ARHGEF10: variants seen among roughly 807,000 people sequenced by gnomAD.
ARHGEF10 encodes the protein Rho guanine nucleotide exchange factor (GEF) 10.
ARHGEF10 carries 140 observed loss-of-function variants against 147.4 expected under a neutral mutation model. The observed-to-expected ratio is 0.95, with a 90% CI of 0.83 to 1.09. ARHGEF10 has a LOEUF of 1.09. Ranked by LOEUF, ARHGEF10 falls within the 50% of genes least tolerant of loss-of-function variation. The pLI, the probability that ARHGEF10 is intolerant of heterozygous loss-of-function variation, is 0.00. For synonymous variants in ARHGEF10, 902 were observed against 695.8 expected (o/e 1.30, Z -4.67); for missense variants, 2,222 against 1,752.7 (o/e 1.27, Z -4.78).
intron 2 of ARHGEF10, among the ~76,000 whole-genome samples, chr8:1,855,254 C>T (rs1805462608): frequency 6.6e-6 from 1 of 152,072 alleles, no homozygotes; most frequent in African/African-American, 2.4e-5. Context: ...TGTTTGAGTT[C>T]AGCGGTAGTA....
Position 1,937,723 on chromosome 8 carries a change from C to G in ARHGEF10, c.3222+3781C>G, listed in dbSNP as rs1162488554. ...ATTCGAGCCCTGGGTATGTGTCCGC[C>G]TTGCTGACAGCGAGGGCAGCAGCTG... is the stretch of plus-strand genomic sequence containing the variant. On this transcript the variant is annotated intron_variant, in intron 26 of 28. Transcript: ENST00000349830. The surrounding 1 kb of genome is among the most constrained non-coding windows in gnomAD (Gnocchi z 4.9). Among the ~76,000 whole-genome samples, 1 of 152,252 alleles carries G rather than the reference C, an allele frequency of 6.6e-6. No homozygotes were observed. Among genetic ancestry groups the G allele is most frequent in the East Asian group, 1.9e-4 (1 of 5,190 alleles).
Position 1,957,260 on chromosome 8 carries a change from A to G in ARHGEF10, c.4032A>G (p.Ile1344Met), listed in dbSNP as rs139457662. 2.0e-4 allele frequency: 319 copies of G among 1,609,604 alleles called. No homozygotes were observed. The highest frequency in any genetic ancestry group is 2.6e-4 in the Non-Finnish European group (306 of 1,179,460). ...VMVWQIPLLN[I>M] ...TCTGGCAGATCCCTCTGCTGAATAT[A>G]TAAGCAGGACGGCCGCCTTCTGCTG... The change falls in exon 29 of 29, where the codon ATA becomes ATG. Residue 1344 changes from isoleucine to methionine, a missense_variant. Ile to Met is a conservative substitution (Grantham distance 10). Coordinates refer to ENST00000349830, the MANE Select transcript of ARHGEF10 (RefSeq NM_014629.4).
At chr8:1,839,898 C>G (rs1474268265) in intron 1 of ARHGEF10, among the ~76,000 whole-genome samples, 2 of 144,840 alleles carry the variant, frequency 1.4e-5, no homozygotes, top group East Asian at 4.4e-4. Context: ...GGTGTGGGGA[C>G]TGTCCGGTGT....
At chr8:1,925,047 A>G (rs760121351) in intron 21 of ARHGEF10, among the ~76,000 whole-genome samples, 8 of 152,240 alleles carry the variant, frequency 5.3e-5, no homozygotes, top group Non-Finnish European at 8.8e-5. Context: ...AGGCGCAAAC[A>G]GGGAGAGGTC....
At chr8:1,829,727 A>T (rs1366799348) in intron 1 of ARHGEF10, among the ~76,000 whole-genome samples, 1 of 152,160 alleles carries the variant, frequency 6.6e-6, no homozygotes, top group Non-Finnish European at 1.5e-5. Context: ...CTGCAGCTGG[A>T]GTCTAAACGA....
intron 24 of ARHGEF10, 21 bp downstream of exon 24, chr8:1,928,671 TA>T (rs527815991): frequency 1.2e-6 from 2 of 1,612,554 alleles, no homozygotes; most frequent in Non-Finnish European, 1.7e-6. Flanking sequence ...CTCACTGCGT[TA>T]CAGAGAATTA....
In ARHGEF10 at chr8:1,957,096, T is replaced by G. The variant is rs754159410; in HGVS notation, c.3868T>G (p.Ser1290Ala). The stretch of plus-strand genomic sequence containing the variant: ...CTATGATCTCCTGAAGGATCCTGTC[T>G]CGCTGAGAAGCAAAGCACGCCGGGC... ...TIYDLLKDPV[S>A]LRSKARRAKK... The change falls in exon 29 of 29, where the codon TCG becomes GCG. Residue 1290 changes from serine to alanine, a missense_variant. Physicochemically the swap from Ser to Ala is moderately conservative, Grantham distance 99 (BLOSUM62 1). Transcript: ENST00000349830. 1.2e-5 allele frequency: 20 copies of G among 1,613,268 alleles called. 1 individual carries two copies. The East Asian group carries it at 4.2e-4, about 34-fold the overall frequency.
intron 3 of ARHGEF10, among the ~76,000 whole-genome samples, chr8:1,859,164 T>C (rs1490864345): frequency 6.6e-6 from 1 of 151,886 alleles, no homozygotes; most frequent in Non-Finnish European, 1.5e-5. Flanking sequence ...CGGTGTTTCT[T>C]TGTGCACAGC....
chr8:1,843,488 A>G (rs1171166790), intron 2 of ARHGEF10, 52 bp downstream of exon 2: 3 of 1,416,460 alleles, frequency 2.1e-6, no homozygotes, highest in South Asian at 1.2e-5. Context: ...TGCTGCTCTC[A>G]TCAAGGACGG....
At chr8:1,882,330 AT>A (rs1386671611) in intron 9 of ARHGEF10, among the ~76,000 whole-genome samples, 3 of 152,118 alleles carry the variant, frequency 2.0e-5, no homozygotes, top group Non-Finnish European at 4.4e-5. Flanking sequence ...GTTGTTTGAC[AT>A]TTGTGCATGT....
At chr8:1,952,939 C>A in intron 28 of ARHGEF10, 112 bp downstream of exon 28, 1 of 1,462,280 alleles carries the variant, frequency 6.8e-7, no homozygotes, top group Non-Finnish European at 9.4e-7. Flanking sequence ...TTCATATTAT[C>A]TGTGGTTTTT....
At chr8:1,833,317 C>T (rs1364675739) in intron 1 of ARHGEF10, among the ~76,000 whole-genome samples, 2 of 136,544 alleles carry the variant, frequency 1.5e-5, no homozygotes, top group African/African-American at 5.6e-5. Context: ...GAGACAGAAG[C>T]AGAGGGAGAC....
chr8:1,933,689 A>G (rs1813335107), intron 25 of ARHGEF10, 111 bp from the exon 26 acceptor site: 2 of 1,365,156 alleles, frequency 1.5e-6, no homozygotes, highest in South Asian at 2.4e-5. Flanking sequence ...AAGCATTAAC[A>G]TTACAGGTGA....
intron 8 of ARHGEF10, among the ~76,000 whole-genome samples, chr8:1,879,593 G>C (rs6995567): frequency 0.65 from 96,977 of 150,306 alleles, 31,813 homozygotes; most frequent in East Asian, 0.97. Context: ...TACTCTGTCT[G>C]CCAGGCTGGA....
chr8:1,823,454 G>C (rs969587045), upstream of ARHGEF10, among the ~76,000 whole-genome samples: 27 of 152,172 alleles, frequency 1.8e-4, 1 homozygote, highest in East Asian at 4.1e-3. Context: ...TGTTCTGGGG[G>C]GGGGAGCGTC....
At chr8:1,848,581 G>A (rs965695071) in intron 2 of ARHGEF10, among the ~76,000 whole-genome samples, 1 of 152,152 alleles carries the variant, frequency 6.6e-6, no homozygotes, top group Non-Finnish European at 1.5e-5. Flanking sequence ...TGTAAATGTA[G>A]GGAAGCTACA....
chr8:1,903,454 T>TCTTTGGATGGAGGCCTTCGG lies in ARHGEF10; in HGVS notation c.1821+3_1821+4insCTTTGGATGGAGGCCTTCGG. On this transcript the variant is annotated splice_donor_region_variant and intron_variant, in intron 16 of 28. Transcript: ENST00000349830. ...TAAACGAAAGATACCTGAACAAGGT[T>TCTTTGGATGGAGGCCTTCGG]GAGAGAGGTTTTCTTCAACTCTATT... 6.2e-7 allele frequency: 1 copy of TCTTTGGATGGAGGCCTTCGG among 1,614,068 alleles called. No individual in the cohort carries two copies. The highest frequency in any genetic ancestry group is 8.5e-7 in the Non-Finnish European group (1 of 1,180,030).
chr8:1,901,280 G>A (rs1456046359), intron 15 of ARHGEF10, among the ~76,000 whole-genome samples: 1 of 152,030 alleles, frequency 6.6e-6, no homozygotes, highest in Non-Finnish European at 1.5e-5. Context: ...GTGTGGAGAG[G>A]CCTGGACACC....
intron 2 of ARHGEF10, among the ~76,000 whole-genome samples, chr8:1,855,500 G>C (rs945628669): frequency 2.0e-5 from 3 of 151,918 alleles, no homozygotes; most frequent in African/African-American, 7.2e-5. Flanking sequence ...TCCCACCTCA[G>C]CCTTCGGAGT....
Sources: allele counts gnomAD v4.1 joint callset (sites outside exome capture counted in the v4.1 genomes callset), GRCh38; gene constraint gnomAD v4.1.1; non-coding constraint Gnocchi (gnomAD v3.1); transcripts MANE v1.5; gene names NCBI Gene and HGNC (gene_info 2026-07-23, HGNC 2026-07-21).